Variants in ANKFN1 observed in about 807,000 individuals in gnomAD.
The protein encoded by ANKFN1 is ankyrin repeat and fibronectin type III domain containing 1, also known as ankyrin repeat and fibronectin type-III domain-containing protein 1.
In ANKFN1, 74 loss-of-function variants were observed where a neutral mutation model predicts 108.7. The ratio of observed to expected loss-of-function variants is 0.68; its 90% confidence interval spans 0.56 to 0.83. The LOEUF is 0.83. Among genes scored for constraint, ANKFN1 ranks in the 40% least tolerant of loss-of-function variants. The pLI is 0.00. For synonymous variants in ANKFN1, 547 were observed against 516.2 expected, an observed-to-expected ratio of 1.06 and a Z score of -0.81; for missense variants, 1,505 against 1,382.3, an observed-to-expected ratio of 1.09 and a Z score of -1.41.
intron 4 of ANKFN1, among the ~76,000 whole-genome samples, chr17:56,088,036 G>A (rs939685566): frequency 2.6e-5 from 4 of 151,188 alleles, no homozygotes; most frequent in Non-Finnish European, 5.9e-5. Flanking sequence ...GGCATGAGAG[G>A]TTTTATTAAT....
intron 8 of ANKFN1, among the ~76,000 whole-genome samples, chr17:56,413,688 T>C (rs2048159770): frequency 6.6e-6 from 1 of 152,202 alleles, no homozygotes; most frequent in Admixed American, 6.5e-5. Flanking sequence ...AATCATATGG[T>C]TTCTGTCTTC....
intron 3 of ANKFN1, among the ~76,000 whole-genome samples, chr17:56,282,008 G>A (rs1303722801): frequency 6.6e-6 from 1 of 152,050 alleles, no homozygotes; most frequent in Non-Finnish European, 1.5e-5. Flanking sequence ...AAAGGAAAAC[G>A]TATGTCCATT....
At chr17:56,269,197 T>G (rs1291764433) in intron 3 of ANKFN1, among the ~76,000 whole-genome samples, 1 of 152,184 alleles carries the variant, frequency 6.6e-6, no homozygotes, top group African/African-American at 2.4e-5. Flanking sequence ...ATGCTGACTT[T>G]GAACTCTTCT....
chr17:56,474,983 C>T (rs1170406603), intron 15 of ANKFN1, among the ~76,000 whole-genome samples: 1 of 152,126 alleles, frequency 6.6e-6, no homozygotes, highest in African/African-American at 2.4e-5. Context: ...TCTGCACATG[C>T]TCATTAGATG....
At chr17:56,059,975 T>A (rs1260893602) in intron 4 of ANKFN1, among the ~76,000 whole-genome samples, 1 of 152,154 alleles carries the variant, frequency 6.6e-6, no homozygotes, top group Non-Finnish European at 1.5e-5. Context: ...AGAATGTCAA[T>A]GGTAGTTTGA....
chr17:56,294,123 T>G (rs1164004660), intron 3 of ANKFN1, among the ~76,000 whole-genome samples: 2 of 152,200 alleles, frequency 1.3e-5, no homozygotes, highest in Non-Finnish European at 2.9e-5. Context: ...GAGCAAAAAT[T>G]TGTTTTGCTA....
rs10572105 is a variant in ANKFN1, at chr17:56,085,180, C to CATATATATATATATATATATATATATAT, written c.288+38856_288+38883dup. ...TCTGGTTAAATGTTGCCCTCCAAAGCATATATATATATATATATATATATA... is the reference window on the plus strand; with the variant it reads ...TCTGGTTAAATGTTGCCCTCCAAAGCATATATATATATATATATATATATATATATATATATATATATATATATATATA... On this transcript the variant is annotated intron_variant, in intron 4 of 12. Coordinates refer to the ANKFN1 transcript ENST00000635860. Among the ~76,000 whole-genome samples the CATATATATATATATATATATATATATAT allele has an allele frequency of 2.8e-4, 39 of 137,732 alleles. 1 individual carries two copies. Among genetic ancestry groups the CATATATATATATATATATATATATATAT allele is most frequent in the African/African-American group, 1.0e-3 (37 of 35,662 alleles). 90.4% of individuals were successfully genotyped at this position (137,732 alleles called of 152,430 possible). A position where few individuals can be genotyped will look rare whatever the true frequency, so the allele number is the denominator to read the frequency against.
At chr17:56,454,926 G>GCTTTCTTCTA (rs1471522544) in intron 11 of ANKFN1, among the ~76,000 whole-genome samples, 2 of 152,140 alleles carry the variant, frequency 1.3e-5, no homozygotes, top group Non-Finnish European at 2.9e-5. Flanking sequence ...CAAGCCACTA[G>GCTTTCTTCTA]CTTTCTTCTA....
At chr17:56,081,061 CT>C (rs1905239948) in intron 4 of ANKFN1, among the ~76,000 whole-genome samples, 1 of 152,122 alleles carries the variant, frequency 6.6e-6, no homozygotes, top group Non-Finnish European at 1.5e-5. Context: ...CCCTTGCCTC[CT>C]TTTAAAATGA....
intron 4 of ANKFN1, 72 bp downstream of exon 4, chr17:56,326,427 G>T (rs773379091): frequency 2.9e-5 from 45 of 1,531,532 alleles, no homozygotes; most frequent in Non-Finnish European, 3.7e-5. Context: ...ATTTTTAAAT[G>T]TGTATATGTT....
chr17:56,312,461 A>G (rs184917983), intron 3 of ANKFN1, among the ~76,000 whole-genome samples: 44 of 152,100 alleles, frequency 2.9e-4, no homozygotes, highest in Non-Finnish European at 5.9e-5. Context: ...ACCTCCTTTC[A>G]CACTCCTTTA....
chr17:56,492,221 T>A lies in ANKFN1; in HGVS notation c.2295T>A (p.Ser765Arg). The A allele has an allele frequency of 1.4e-6, 1 of 702,348 alleles. No individual in the cohort carries two copies. Among genetic ancestry groups the A allele is most frequent in the Non-Finnish European group, 2.6e-6 (1 of 384,516 alleles). The allele number at this position is 702,348 out of a possible 1,614,324, so 43.5% of individuals were successfully genotyped here. ...HFCSYREKFI[S>R]LYCRLSAVVE... ...GCAGCTACAGAGAGAAATTTATTAG[T>A]CTGTATTGCCGCCTTTCTGCTGTTG... Residue 765 changes from serine (S) to arginine (R), a missense_variant, in exon 19 of 21, where the codon AGT becomes AGA. Physicochemically the swap from Ser to Arg is moderately radical, Grantham distance 110 (BLOSUM62 -1). Coordinates refer to ENST00000682825, the MANE Select transcript of ANKFN1 (RefSeq NM_001370326.1).
At chr17:56,329,658 A>G (rs2045610152) in intron 4 of ANKFN1, among the ~76,000 whole-genome samples, 2 of 152,226 alleles carry the variant, frequency 1.3e-5, no homozygotes, top group South Asian at 4.1e-4. Context: ...TGGAGATAAT[A>G]ATAGTCATTC....
chr17:56,495,952 C>A (rs1227916559), intron 19 of ANKFN1, among the ~76,000 whole-genome samples: 1 of 152,022 alleles, frequency 6.6e-6, no homozygotes, highest in East Asian at 1.9e-4. Context: ...GAAATGGATG[C>A]ATAACTTTTA....
intron 4 of ANKFN1, among the ~76,000 whole-genome samples, chr17:56,119,344 A>G (rs1423748040): frequency 6.6e-6 from 1 of 152,130 alleles, no homozygotes; most frequent in African/African-American, 2.4e-5. Flanking sequence ...CCTGGAAAAG[A>G]GCCATCAACA....
At chr17:56,383,976 T>G (rs2144831127) in intron 8 of ANKFN1, among the ~76,000 whole-genome samples, 1 of 152,338 alleles carries the variant, frequency 6.6e-6, no homozygotes. Context: ...TAAGTCATTT[T>G]ATGAGGCCAG....
intron 3 of ANKFN1, among the ~76,000 whole-genome samples, chr17:56,274,756 A>G (rs2043879725): frequency 6.6e-6 from 1 of 152,124 alleles, no homozygotes; most frequent in Non-Finnish European, 1.5e-5. Flanking sequence ...TGTGGTCTCC[A>G]CATAGTTATA....
At chr17:56,364,358 A>G (rs1234695216) in intron 6 of ANKFN1, among the ~76,000 whole-genome samples, 1 of 152,218 alleles carries the variant, frequency 6.6e-6, no homozygotes, top group Non-Finnish European at 1.5e-5. Flanking sequence ...TATTGATTGC[A>G]TGATGAAATG....
chr17:56,071,601 C>A (rs1905121760), intron 4 of ANKFN1, among the ~76,000 whole-genome samples: 1 of 152,176 alleles, frequency 6.6e-6, no homozygotes, highest in Admixed American at 6.5e-5. Flanking sequence ...GTAAAGTGGA[C>A]AAAAGGTGGC....
Sources: allele counts gnomAD v4.1 joint callset (sites outside exome capture counted in the v4.1 genomes callset), GRCh38; gene constraint gnomAD v4.1.1; transcripts MANE v1.5; gene names NCBI Gene and HGNC (gene_info 2026-07-23, HGNC 2026-07-21).